DOCK3: variants seen among roughly 807,000 people sequenced by gnomAD.
The protein encoded by DOCK3 is dedicator of cytokinesis protein 3.
In DOCK3, 60 loss-of-function variants were observed where a neutral mutation model predicts 265.6. The observed-to-expected ratio is 0.23, with a 90% CI of 0.18 to 0.28. The LOEUF (loss-of-function observed/expected upper bound fraction) is 0.28. Ranked by LOEUF, DOCK3 falls within the 10% of genes least tolerant of loss-of-function variation. DOCK3 has a pLI of 1.00. For synonymous variants in DOCK3, 881 were observed against 938.0 expected, an observed-to-expected ratio of 0.94 and a Z score of 1.11; for missense variants, 1,981 against 2,594.3, an observed-to-expected ratio of 0.76 and a Z score of 5.14.
At chr3:50,720,729 T>G (rs1196481930) in intron 1 of DOCK3, among the ~76,000 whole-genome samples, 1 of 152,230 alleles carries the variant, frequency 6.6e-6, no homozygotes, top group Non-Finnish European at 1.5e-5. Flanking sequence ...GTAATGGGAT[T>G]GCTGGGTTGA....
At chr3:50,873,447 C>G (rs969966340) in intron 3 of DOCK3, among the ~76,000 whole-genome samples, 1 of 152,148 alleles carries the variant, frequency 6.6e-6, no homozygotes, top group Non-Finnish European at 1.5e-5. Flanking sequence ...TCACTGTTTC[C>G]TCTCCTCTCC....
At chr3:51,306,910 A>G (rs1006272166) in intron 27 of DOCK3, among the ~76,000 whole-genome samples, 1 of 151,884 alleles carries the variant, frequency 6.6e-6, no homozygotes, top group South Asian at 2.1e-4. Flanking sequence ...AAAAGTTTTT[A>G]TTTACTTCTT....
Position 51,354,995 on chromosome 3 carries a change from T to A in DOCK3, c.4221T>A (p.Asp1407Glu). 6.2e-7 allele frequency: 1 copy of A among 1,613,898 alleles called. No individual in the cohort carries two copies. The highest frequency in any genetic ancestry group is 1.1e-5 in the South Asian group (1 of 91,082). The change falls in exon 41 of 53, where the codon GAT (aspartate) becomes GAA (glutamate). Residue 1407 changes from aspartate (D) to glutamate (E), a missense_variant. Coordinates refer to ENST00000266037, the MANE Select transcript of DOCK3 (RefSeq NM_004947.5). ...AVAMQHPNHPDDAILQCDAQY... is the reference protein window; with the variant it reads ...AVAMQHPNHPEDAILQCDAQY... ...CCATGCAGCACCCCAACCATCCTGATGACGCCATCCTACAGTGCGATGCCC... is the reference window on the plus strand; with the variant it reads ...CCATGCAGCACCCCAACCATCCTGAAGACGCCATCCTACAGTGCGATGCCC...
At chr3:51,294,603 G>A (rs753203297) in intron 27 of DOCK3, among the ~76,000 whole-genome samples, 9 of 151,136 alleles carry the variant, frequency 6.0e-5, no homozygotes, top group Non-Finnish European at 1.2e-4. Flanking sequence ...GCGTGAACCC[G>A]GGAGGCGGAG....
chr3:51,061,441 T>G (rs905881118), intron 5 of DOCK3, among the ~76,000 whole-genome samples: 1 of 151,956 alleles, frequency 6.6e-6, no homozygotes, highest in African/African-American at 2.4e-5. Flanking sequence ...AAACCACCAT[T>G]CTCAGCAAAC....
chr3:50,814,271 T>G (rs1416502236), intron 2 of DOCK3, among the ~76,000 whole-genome samples: 1 of 151,994 alleles, frequency 6.6e-6, no homozygotes, highest in Non-Finnish European at 1.5e-5. Flanking sequence ...TATTTGTAAA[T>G]TATTATTATT....
At chr3:51,141,530 T>G (rs549168945) in intron 9 of DOCK3, among the ~76,000 whole-genome samples, 1 of 152,330 alleles carries the variant, frequency 6.6e-6, no homozygotes, top group Admixed American at 6.5e-5. Flanking sequence ...GCTTCATTCC[T>G]TTGCATGTGA....
chr3:50,711,937 A>G (rs755120698), intron 1 of DOCK3, among the ~76,000 whole-genome samples: 2 of 152,122 alleles, frequency 1.3e-5, no homozygotes, highest in Non-Finnish European at 2.9e-5. Context: ...CATTTCACGT[A>G]AATTATCTGA....
chr3:51,102,265 A>G (rs1271592442), intron 9 of DOCK3, among the ~76,000 whole-genome samples: 1 of 152,238 alleles, frequency 6.6e-6, no homozygotes, highest in Non-Finnish European at 1.5e-5. Context: ...AATGTAAAAT[A>G]TCTGCCTGGC....
At chr3:50,948,809 A>G (rs1194860760) in intron 5 of DOCK3, among the ~76,000 whole-genome samples, 2 of 152,140 alleles carry the variant, frequency 1.3e-5, no homozygotes, top group Admixed American at 1.3e-4. Context: ...GTGTATGGAA[A>G]AAGTAAATGA....
At chr3:50,767,109 G>T (rs2040938282) in intron 1 of DOCK3, among the ~76,000 whole-genome samples, 2 of 152,132 alleles carry the variant, frequency 1.3e-5, no homozygotes, top group African/African-American at 4.8e-5. Context: ...CTGTGCAGAA[G>T]CTCTTTAGTT....
At chr3:51,046,449 G>A (rs71329041) in intron 5 of DOCK3, among the ~76,000 whole-genome samples, 1 of 152,118 alleles carries the variant, frequency 6.6e-6, no homozygotes, top group Non-Finnish European at 1.5e-5. Context: ...AGCTATATGT[G>A]TATCAGACAA....
At chr3:51,077,063 G>T (rs964095469) in intron 7 of DOCK3, among the ~76,000 whole-genome samples, 4 of 152,098 alleles carry the variant, frequency 2.6e-5, no homozygotes, top group South Asian at 2.1e-4. Context: ...AATATAAAAT[G>T]CAAAAGACTG....
At chr3:50,728,987 G>T (rs1372176056) in intron 1 of DOCK3, among the ~76,000 whole-genome samples, 5 of 144,004 alleles carry the variant, frequency 3.5e-5, no homozygotes, top group Admixed American at 3.4e-4. Flanking sequence ...GCCTCCCAAA[G>T]TGCTGGGATT....
rs984169027 is a variant in DOCK3 at position 50,787,755 on chromosome 3, C to G, written c.121+8997C>G. Reference sequence around the variant, plus strand: ...CGCTGACTTTCTCTGTTATCTTCTCCTTTTTCTTCTGCTTATCATTCTCTC... The same window carrying G: ...CGCTGACTTTCTCTGTTATCTTCTCGTTTTTCTTCTGCTTATCATTCTCTC... On this transcript the variant is annotated intron_variant, in intron 2 of 52. Coordinates refer to ENST00000266037, the MANE Select transcript of DOCK3 (RefSeq NM_004947.5). The G allele has an allele frequency of 6.4e-5, 75 of 1,170,198 alleles. 1 individual carries two copies. The African/African-American group carries it at 1.0e-3, about 16-fold the overall frequency. The allele number at this position is 1,170,198 out of a possible 1,614,324, so 72.5% of individuals were successfully genotyped here.
chr3:51,037,744 G>A (rs1415527472), intron 5 of DOCK3, among the ~76,000 whole-genome samples: 1 of 152,096 alleles, frequency 6.6e-6, no homozygotes, highest in African/African-American at 2.4e-5. Context: ...TAAAGGAATT[G>A]TGTTATGCCT....
intron 1 of DOCK3, among the ~76,000 whole-genome samples, chr3:50,732,124 A>G (rs1022547939): frequency 1.3e-5 from 2 of 152,038 alleles, no homozygotes; most frequent in African/African-American, 4.8e-5. Context: ...CCATATCCTC[A>G]GCAAACTAAA....
chr3:51,005,480 T>C (rs2078644637), intron 5 of DOCK3, among the ~76,000 whole-genome samples: 1 of 152,184 alleles, frequency 6.6e-6, no homozygotes, highest in Non-Finnish European at 1.5e-5. Flanking sequence ...CTCCACACTT[T>C]TAACTAAACT....
chr3:50,838,482 A>G, intron 2 of DOCK3, among the ~76,000 whole-genome samples: 1 of 152,220 alleles, frequency 6.6e-6, no homozygotes, highest in Admixed American at 6.5e-5. Flanking sequence ...TGAGACTCTG[A>G]TGTGTTCTTC....
Sources: allele counts gnomAD v4.1 joint callset (sites outside exome capture counted in the v4.1 genomes callset), GRCh38; gene constraint gnomAD v4.1.1; transcripts MANE v1.5; gene names NCBI Gene and HGNC (gene_info 2026-07-23, HGNC 2026-07-21).